TIMMDC1: variants seen among roughly 807,000 people sequenced by gnomAD.
The protein encoded by TIMMDC1 is translocase of inner mitochondrial membrane domain containing 1, also known as complex I assembly factor TIMMDC1, mitochondrial.
TIMMDC1 carries 25 observed loss-of-function variants against 32.6 expected under a neutral mutation model. The ratio of observed to expected loss-of-function variants is 0.77; its 90% CI spans 0.56 to 1.07. TIMMDC1 has a LOEUF of 1.07. TIMMDC1 is among the 50% of genes least tolerant of loss of function. The pLI, the probability that TIMMDC1 is intolerant of heterozygous loss-of-function variation, is 0.00. For synonymous variants in TIMMDC1, 130 were observed against 127.6 expected (o/e 1.02, Z -0.13); for missense variants, 329 against 349.2 (o/e 0.94, Z 0.46).
At chr3:119,505,291 A>C (rs746188093) in intron 4 of TIMMDC1, among the ~76,000 whole-genome samples, 1 of 152,208 alleles carries the variant, frequency 6.6e-6, no homozygotes, top group African/African-American at 2.4e-5. Context: ...GTTAACTGCT[A>C]TATACACTCA....
At chr3:119,520,364 G>GA (rs201564400) in intron 6 of TIMMDC1, among the ~76,000 whole-genome samples, 7,719 of 151,808 alleles carry the variant, frequency 0.051, 251 homozygotes, top group Non-Finnish European at 0.072. Flanking sequence ...CCACAAGTTA[G>GA]AAAAAAGACC....
At chr3:119,513,758 T>G (rs2081969024) in intron 5 of TIMMDC1, 39 bp downstream of exon 5, 1 of 1,296,526 alleles carries the variant, frequency 7.7e-7, no homozygotes, top group South Asian at 1.3e-5. Flanking sequence ...TTGGCACAAT[T>G]TTCATTAATA....
At chr3:119,521,901 C>A (rs1577103808) in intron 6 of TIMMDC1, among the ~76,000 whole-genome samples, 2 of 151,858 alleles carry the variant, frequency 1.3e-5, no homozygotes, top group Non-Finnish European at 2.9e-5. Context: ...ATCAGAAAGA[C>A]AAAAAATAAA....
At chr3:119,502,953 A>G (rs542204923) in intron 2 of TIMMDC1, among the ~76,000 whole-genome samples, 2 of 152,168 alleles carry the variant, frequency 1.3e-5, no homozygotes, top group East Asian at 1.9e-4. Flanking sequence ...TTCTACATTT[A>G]TTGGTTAGTA....
chr3:119,512,348 G>A (rs1296524745), intron 4 of TIMMDC1, among the ~76,000 whole-genome samples: 4 of 152,010 alleles, frequency 2.6e-5, no homozygotes, highest in South Asian at 2.1e-4. Context: ...ACGCGATCTC[G>A]GCTCACTGCA....
At position 119,513,855 on chromosome 3, in the gene TIMMDC1, G is replaced by T. The variant is rs1253015777; in HGVS notation, c.596+136G>T. 5 of 571,394 alleles carry T rather than the reference G, an allele frequency of 8.8e-6. No individual in the cohort carries two copies. In the Admixed American group the frequency reaches 1.5e-4, roughly 17 times the overall value. The allele number at this position is 571,394 out of a possible 1,614,324, so 35.4% of individuals were successfully genotyped here. On this transcript the variant is annotated intron_variant, in intron 5 of 6. Transcript: ENST00000494664. Reference sequence around the variant, plus strand: ...AAAGATCTCTAGTCTTGCATTGGCAGTAGCTTTGACTGTCCATTCTAATTC... The same window carrying T: ...AAAGATCTCTAGTCTTGCATTGGCATTAGCTTTGACTGTCCATTCTAATTC...
rs572865667 is a variant in TIMMDC1, at chr3:119,515,063, G to A, written c.596+1344G>A. Among the ~76,000 whole-genome samples, 42 of 152,034 alleles carry A rather than the reference G, an allele frequency of 2.8e-4. No individual in the cohort carries two copies. The South Asian group carries it at 7.5e-3, about 27-fold the overall frequency. On this transcript the variant is annotated intron_variant, in intron 5 of 6. Coordinates refer to ENST00000494664, the MANE Select transcript of TIMMDC1 (RefSeq NM_016589.4). Reference sequence around the variant, plus strand: ...AAATTAGCCAGGTGTGGTGGCAAGCGCCTGTAATCACAGATACTCGGGAGG... The same window carrying A: ...AAATTAGCCAGGTGTGGTGGCAAGCACCTGTAATCACAGATACTCGGGAGG...
intron 1 of TIMMDC1, among the ~76,000 whole-genome samples, chr3:119,499,722 C>T (rs2081855434): frequency 6.6e-6 from 1 of 152,194 alleles, no homozygotes; most frequent in Non-Finnish European, 1.5e-5. Context: ...GGACTGCGCC[C>T]GGCCTAGAAG....
intron 5 of TIMMDC1, 133 bp downstream of exon 5, chr3:119,513,852 G>T: frequency 1.7e-6 from 1 of 575,096 alleles, no homozygotes; most frequent in Non-Finnish European, 3.0e-6. Flanking sequence ...TCTTGCATTG[G>T]CAGTAGCTTT....
At position 119,517,301 on chromosome 3, in the gene TIMMDC1, A is replaced by G. The variant is rs2081991800; in HGVS notation, c.693A>G (p.Leu231=). Reference sequence around the variant, plus strand: ...AGGATCGAAAGGCACTCCATGAGCTAAAACTGGAAGAGTGGTAAGGAACAT... The same window carrying G: ...AGGATCGAAAGGCACTCCATGAGCTGAAACTGGAAGAGTGGTAAGGAACAT... ...KQKDRKALHE[L]KLEEWKGRLQ... The change falls in exon 6 of 7, where the codon CTA becomes CTG. Residue 231 remains leucine (L), a synonymous_variant. Coordinates refer to ENST00000494664, the MANE Select transcript of TIMMDC1 (RefSeq NM_016589.4). The G allele has an allele frequency of 6.2e-7, 1 of 1,611,116 alleles. No homozygotes were observed. The highest frequency in any genetic ancestry group is 8.5e-7 in the Non-Finnish European group (1 of 1,177,370).
intron 6 of TIMMDC1, among the ~76,000 whole-genome samples, chr3:119,522,105 C>T (rs2082030339): frequency 6.6e-6 from 1 of 152,116 alleles, no homozygotes; most frequent in African/African-American, 2.4e-5. Flanking sequence ...GTTATCTGCG[C>T]CCCCATGCTT....
chr3:119,503,877 C>T, intron 3 of TIMMDC1, 77 bp from the exon 4 acceptor site: 1 of 1,260,570 alleles, frequency 7.9e-7, no homozygotes, highest in Non-Finnish European at 1.1e-6. Flanking sequence ...TCTATTAAGT[C>T]AGTGAAAATA....
intron 1 of TIMMDC1, 162 bp downstream of exon 1, chr3:119,499,089 T>A: frequency 1.8e-6 from 1 of 567,172 alleles, no homozygotes; most frequent in Non-Finnish European, 2.9e-6. Context: ...ATCTTTTTTC[T>A]TTCTTTTTTT....
Position 119,500,777 on chromosome 3 carries a change from GGAATACCAGCTTTTAT to G in TIMMDC1, c.278_293del (p.Gly93ValfsTer49), listed in dbSNP as rs775157856. 5 of 1,613,976 alleles carry G rather than the reference GGAATACCAGCTTTTAT, an allele frequency of 3.1e-6. No homozygotes were observed. The highest frequency in any genetic ancestry group is 4.2e-6 in the Non-Finnish European group (5 of 1,179,982). ...AGGCATCATTGGCTGGGTGTATGGG[GGAATACCAGCTTTTAT>G]TCATGCTAAACAACAATACATTGAG... On this transcript the variant is annotated frameshift_variant, in exon 2 of 7. Coordinates refer to ENST00000494664, the MANE Select transcript of TIMMDC1 (RefSeq NM_016589.4). LOFTEE classifies it high-confidence loss of function.
chr3:119,513,747 A>G (rs1335686312), intron 5 of TIMMDC1, 28 bp downstream of exon 5: 2 of 1,478,164 alleles, frequency 1.4e-6, no homozygotes, highest in Non-Finnish European at 1.8e-6. Context: ...TTGGTTCTAA[A>G]TTGGCACAAT....
intron 4 of TIMMDC1, among the ~76,000 whole-genome samples, chr3:119,510,485 G>C (rs1489554237): frequency 6.6e-6 from 1 of 152,022 alleles, no homozygotes; most frequent in African/African-American, 2.4e-5. Context: ...TAAGAGCATA[G>C]CAAAGACATT....
intron 6 of TIMMDC1, among the ~76,000 whole-genome samples, chr3:119,522,336 T>C (rs2082032124): frequency 6.6e-6 from 1 of 152,148 alleles, no homozygotes; most frequent in African/African-American, 2.4e-5. Flanking sequence ...CTGTTGCTCA[T>C]GTGGGAGCTA....
chr3:119,500,654 A>G (rs554759623), intron 1 of TIMMDC1, 41 bp from the exon 2 acceptor site: 26 of 1,585,716 alleles, frequency 1.6e-5, no homozygotes, highest in African/African-American at 4.0e-5. Flanking sequence ...AGCAATGTCC[A>G]TAAACTAATC....
intron 5 of TIMMDC1, among the ~76,000 whole-genome samples, chr3:119,514,706 A>G (rs1024254940): frequency 6.6e-6 from 1 of 152,184 alleles, no homozygotes; most frequent in East Asian, 1.9e-4. Context: ...CTGTGCAACA[A>G]ATTACCACAA....
Sources: gnomAD v4.1 joint callset for allele counts (sites outside exome capture counted in the v4.1 genomes callset) on GRCh38, gnomAD v4.1.1 for gene constraint, MANE v1.5 for transcripts, NCBI Gene and HGNC (gene_info 2026-07-23, HGNC 2026-07-21) for gene names.